The following SNX29 variants were observed in gnomAD, a reference collection of about 807,000 sequenced individuals.
The protein encoded by SNX29 is sorting nexin-29.
In SNX29, 78 loss-of-function variants were observed where a neutral mutation model predicts 102.1. The ratio of observed to expected loss-of-function variants is 0.76; its 90% confidence interval spans 0.64 to 0.92. SNX29 has a LOEUF of 0.92. Ranked by LOEUF, SNX29 falls within the 40% of genes least tolerant of loss-of-function variation. The pLI is 0.00. For synonymous variants in SNX29, 580 were observed against 414.5 expected (o/e 1.40, Z -4.85); for missense variants, 1,280 against 1,061.7 (o/e 1.21, Z -2.86).
intron 20 of SNX29, among the ~76,000 whole-genome samples, chr16:12,541,278 G>A (rs561748790): frequency 2.6e-5 from 4 of 152,150 alleles, no homozygotes; most frequent in Admixed American, 6.5e-5. Flanking sequence ...ACAGGAGCAG[G>A]GGAATACCAC....
chr16:12,468,332 GC>G (rs1264829244), intron 18 of SNX29, among the ~76,000 whole-genome samples: 1 of 151,756 alleles, frequency 6.6e-6, no homozygotes, highest in African/African-American at 2.4e-5. Context: ...CCGCCACCAT[GC>G]CCCGCTAATT....
chr16:11,986,299 A>G (rs1480467612), intron 1 of SNX29, among the ~76,000 whole-genome samples: 1 of 151,688 alleles, frequency 6.6e-6, no homozygotes, highest in Non-Finnish European at 1.5e-5. Context: ...CCGAGGAGGG[A>G]AACTTGCCCA....
chr16:12,525,710 A>C (rs866737154), intron 20 of SNX29, among the ~76,000 whole-genome samples: 1,647 of 43,588 alleles, frequency 0.038, 18 homozygotes, highest in East Asian at 0.092. Context: ...CCCCCCCCCC[A>C]AAAAAAAGAA....
chr16:12,355,255 A>G (rs2082097659), intron 15 of SNX29, among the ~76,000 whole-genome samples: 1 of 152,184 alleles, frequency 6.6e-6, no homozygotes, highest in Admixed American at 6.5e-5. Context: ...GCTCCCTTTT[A>G]TTCCTCCTCA....
intron 20 of SNX29, among the ~76,000 whole-genome samples, chr16:12,540,230 G>C (rs778433941): frequency 6.6e-6 from 1 of 152,074 alleles, no homozygotes; most frequent in Non-Finnish European, 1.5e-5. Context: ...ACTTCCTGTG[G>C]CTGACCCGCT....
chr16:12,410,907 C>A (rs2084371626), intron 18 of SNX29, among the ~76,000 whole-genome samples: 1 of 152,212 alleles, frequency 6.6e-6, no homozygotes, highest in South Asian at 2.1e-4. Context: ...TTTCTCAGCT[C>A]TTCCTTTTCA....
rs377262528 is a variant in SNX29 at position 12,002,960 on chromosome 16, G to A, written c.70-31G>A. 326 of 1,614,114 alleles carry A rather than the reference G, an allele frequency of 2.0e-4. No homozygotes were observed. In the African/African-American group the frequency reaches 3.6e-3, roughly 18 times the overall value. On this transcript the variant is annotated intron_variant, in intron 2 of 20. Transcript: ENST00000566228. ...ACGTTTTGAGTGTCCCATCCCAACA[G>A]CTGATCTCAGCAGCTTCTTTTTCTG...
chr16:12,572,639 C>T lies in SNX29; in HGVS notation c.*4010C>T, dbSNP rs988364946. 15 of 1,063,588 alleles carry T rather than the reference C, an allele frequency of 1.4e-5. No individual in the cohort carries two copies. The Admixed American group carries it at 2.1e-4, about 15-fold the overall frequency. The allele number at this position is 1,063,588 out of a possible 1,614,324, so 65.9% of individuals were successfully genotyped here. ...TACCCCCAGAATCCATCCTTCATTC[C>T]TCCACCAAGCTCCTGTGTGAGCTGC... On this transcript the variant is annotated 3_prime_UTR_variant, in exon 21 of 21. Coordinates refer to ENST00000566228, the MANE Select transcript of SNX29 (RefSeq NM_032167.5).
intron 15 of SNX29, among the ~76,000 whole-genome samples, chr16:12,322,129 C>T (rs1386579095): frequency 6.6e-6 from 1 of 152,196 alleles, no homozygotes. Context: ...TTCTCCCTAC[C>T]TGCAGGTTGA....
intron 1 of SNX29, among the ~76,000 whole-genome samples, chr16:11,991,222 A>G (rs571594370): frequency 6.6e-6 from 1 of 152,358 alleles, no homozygotes; most frequent in East Asian, 1.9e-4. Flanking sequence ...CATTGTGTGT[A>G]TCCTGTAATA....
chr16:12,467,623 A>AGTTCGTTC lies in SNX29; in HGVS notation c.2038-10087_2038-10080dup, dbSNP rs958114572. 2.1e-3 allele frequency among the ~76,000 whole-genome samples: 323 copies of AGTTCGTTC among 150,316 alleles called. 1 individual carries two copies. Among genetic ancestry groups the AGTTCGTTC allele is most frequent in the Non-Finnish European group, 1.8e-3 (118 of 67,308 alleles). Reference sequence around the variant, plus strand: ...TCGTTTGTTCGTTTGTTCGTTCGTTAGTTCGTTCGTTCGTTCATTCATTCA... The same window carrying AGTTCGTTC: ...TCGTTTGTTCGTTTGTTCGTTCGTTAGTTCGTTCGTTCGTTCGTTCGTTCATTCATTCA... On this transcript the variant is annotated intron_variant, in intron 18 of 20. Coordinates refer to ENST00000566228, the MANE Select transcript of SNX29 (RefSeq NM_032167.5).
chr16:12,316,415 C>T (rs191952637), intron 15 of SNX29, among the ~76,000 whole-genome samples: 198 of 152,234 alleles, frequency 1.3e-3, no homozygotes, highest in African/African-American at 4.2e-3. Flanking sequence ...TGGTGGCAGG[C>T]ACCTGTAATC....
chr16:12,008,844 C>T (rs987237306), intron 3 of SNX29, among the ~76,000 whole-genome samples: 6 of 151,536 alleles, frequency 4.0e-5, no homozygotes, highest in African/African-American at 1.5e-4. Context: ...CGGGTTCAAG[C>T]GATTCTCTTG....
chr16:12,068,999 T>C, intron 9 of SNX29, 58 bp from the exon 10 acceptor site: 1 of 1,535,388 alleles, frequency 6.5e-7, no homozygotes, highest in Non-Finnish European at 9.0e-7. Flanking sequence ...GTCTTTGTCT[T>C]ATGGAGAACA....
Position 12,088,933 on chromosome 16 carries a change from C to G in SNX29, c.1402+10018C>G, listed in dbSNP as rs1328546200. On this transcript the variant is annotated intron_variant, in intron 11 of 20. Coordinates refer to ENST00000566228, the MANE Select transcript of SNX29 (RefSeq NM_032167.5). ...CGAAACCCCATCTCTACTGACAGTA[C>G]AAAAATTAGCTGGGCATAGTGGTGG... 3.3e-5 allele frequency among the ~76,000 whole-genome samples: 5 copies of G among 152,048 alleles called. No individual in the cohort carries two copies. The South Asian group carries it at 8.3e-4, about 25-fold the overall frequency.
intron 10 of SNX29, among the ~76,000 whole-genome samples, chr16:12,071,818 C>G (rs1288470286): frequency 1.3e-5 from 2 of 152,194 alleles, no homozygotes; most frequent in Admixed American, 6.5e-5. Context: ...GAATGTTCTT[C>G]CATTCGTTTG....
chr16:12,010,257 C>G (rs2056601329), intron 3 of SNX29, among the ~76,000 whole-genome samples: 1 of 152,216 alleles, frequency 6.6e-6, no homozygotes, highest in South Asian at 2.1e-4. Flanking sequence ...TTACCACACA[C>G]TCACACACTG....
chr16:12,186,288 AAAG>A (rs2076507868), intron 13 of SNX29, among the ~76,000 whole-genome samples: 3 of 152,298 alleles, frequency 2.0e-5, no homozygotes, highest in South Asian at 4.1e-4. Flanking sequence ...AGGGACAAAA[AAAG>A]AACTCCCATG....
chr16:12,459,593 G>C (rs544672519), intron 18 of SNX29, among the ~76,000 whole-genome samples: 18 of 152,286 alleles, frequency 1.2e-4, no homozygotes, highest in African/African-American at 4.1e-4. Flanking sequence ...GCCTGGGTCA[G>C]TCTGCATGCA....
Sources: allele counts gnomAD v4.1 joint callset (sites outside exome capture counted in the v4.1 genomes callset), GRCh38; gene constraint gnomAD v4.1.1; transcripts MANE v1.5; gene names NCBI Gene and HGNC (gene_info 2026-07-23, HGNC 2026-07-21).